The following ASIC2 variants were observed in gnomAD, a reference collection of about 807,000 sequenced individuals.
ASIC2 encodes acid-sensing ion channel 2.
Under a neutral mutation model 57.3 loss-of-function variants are expected in ASIC2, and 25 were observed. That is an observed-to-expected ratio of 0.44 (90% CI 0.32 to 0.61). The LOEUF is 0.61. ASIC2 is among the 20% of genes least tolerant of loss of function. The pLI is 0.06. For synonymous variants in ASIC2, 319 were observed against 307.5 expected (o/e 1.04, Z -0.39); for missense variants, 641 against 738.1 (o/e 0.87, Z 1.52).
intron 1 of ASIC2, among the ~76,000 whole-genome samples, chr17:33,232,476 T>A (rs1182569036): frequency 6.7e-6 from 1 of 149,986 alleles, no homozygotes; most frequent in Non-Finnish European, 1.5e-5. Flanking sequence ...TATGGTATGG[T>A]ATGGTATGGT....
chr17:33,579,257 G>C (rs975043335), intron 1 of ASIC2, among the ~76,000 whole-genome samples: 4 of 144,926 alleles, frequency 2.8e-5, no homozygotes, highest in South Asian at 2.2e-4. Context: ...TTGCACTCCA[G>C]CCTGGGTAGC....
intron 3 of ASIC2, among the ~76,000 whole-genome samples, chr17:33,031,249 G>A (rs2091882057): frequency 6.6e-6 from 1 of 152,022 alleles, no homozygotes; most frequent in African/African-American, 2.4e-5. Context: ...GGTAAGTTGT[G>A]TTTTTTCCCC....
At chr17:33,259,387 C>T (rs1909200820) in intron 1 of ASIC2, among the ~76,000 whole-genome samples, 1 of 152,142 alleles carries the variant, frequency 6.6e-6, no homozygotes, top group South Asian at 2.1e-4. Flanking sequence ...TCTTGTAAAC[C>T]TATGTATTAT....
chr17:33,428,780 T>C (rs1001971412), intron 1 of ASIC2, among the ~76,000 whole-genome samples: 17 of 152,178 alleles, frequency 1.1e-4, no homozygotes, highest in Admixed American at 3.3e-4. Context: ...CCACCCACCA[T>C]TGTTTTCTGT....
intron 1 of ASIC2, among the ~76,000 whole-genome samples, chr17:33,807,515 G>A (rs1912301509): frequency 2.0e-5 from 3 of 152,130 alleles, no homozygotes; most frequent in Admixed American, 1.3e-4. Context: ...AGAAAGTGCA[G>A]GCCTACCAGA....
chr17:34,023,214 A>C (rs1161653849), intron 1 of ASIC2, among the ~76,000 whole-genome samples: 3 of 152,004 alleles, frequency 2.0e-5, no homozygotes, highest in African/African-American at 7.2e-5. Context: ...CTCATCCCAA[A>C]GTTTATCTCC....
chr17:33,375,620 C>T (rs1909248634), intron 1 of ASIC2, among the ~76,000 whole-genome samples: 1 of 152,040 alleles, frequency 6.6e-6, no homozygotes, highest in Non-Finnish European at 1.5e-5. Context: ...ACCGGGACTG[C>T]AAGGGAAGAA....
At chr17:33,303,510 A>G (rs769283534) in intron 1 of ASIC2, among the ~76,000 whole-genome samples, 2 of 152,210 alleles carry the variant, frequency 1.3e-5, no homozygotes, top group African/African-American at 4.8e-5. Context: ...TCGAAGTGAC[A>G]TTACACACCG....
chr17:33,374,783 C>A (rs1909217578), intron 1 of ASIC2, among the ~76,000 whole-genome samples: 1 of 152,148 alleles, frequency 6.6e-6, no homozygotes, highest in African/African-American at 2.4e-5. Context: ...CCACAGGACC[C>A]TGAGCCTATT....
chr17:33,968,740 T>C (rs1905142809), intron 1 of ASIC2, among the ~76,000 whole-genome samples: 1 of 152,140 alleles, frequency 6.6e-6, no homozygotes, highest in Non-Finnish European at 1.5e-5. Flanking sequence ...GGACTCACCA[T>C]ATGGCAGGAC....
At chr17:33,183,773 A>G (rs1906080323) in intron 1 of ASIC2, among the ~76,000 whole-genome samples, 1 of 152,198 alleles carries the variant, frequency 6.6e-6, no homozygotes, top group South Asian at 2.1e-4. Flanking sequence ...TGTGGTTTAT[A>G]TGAGATTTCA....
At chr17:33,864,433 C>T (rs1269098530) in intron 1 of ASIC2, among the ~76,000 whole-genome samples, 2 of 152,180 alleles carry the variant, frequency 1.3e-5, no homozygotes, top group Non-Finnish European at 2.9e-5. Context: ...GCAGGTGAAA[C>T]AGGGGCCCCG....
intron 1 of ASIC2, among the ~76,000 whole-genome samples, chr17:33,970,731 C>T (rs920574316): frequency 2.0e-5 from 3 of 152,184 alleles, no homozygotes; most frequent in African/African-American, 7.2e-5. Context: ...CTAAGAAATG[C>T]GGTGAGCACA....
intron 1 of ASIC2, among the ~76,000 whole-genome samples, chr17:33,270,710 A>C (rs947973551): frequency 2.6e-5 from 4 of 152,166 alleles, no homozygotes; most frequent in Non-Finnish European, 4.4e-5. Flanking sequence ...CTTCATTTCT[A>C]ACCCTGACAA....
At chr17:33,831,473 T>G (rs755376878) in intron 1 of ASIC2, among the ~76,000 whole-genome samples, 4 of 152,124 alleles carry the variant, frequency 2.6e-5, no homozygotes, top group Non-Finnish European at 5.9e-5. Flanking sequence ...AAGACCACAC[T>G]GTCTTCCCTT....
intron 1 of ASIC2, among the ~76,000 whole-genome samples, chr17:33,367,031 A>G (rs1908836513): frequency 6.6e-6 from 1 of 152,266 alleles, no homozygotes; most frequent in Admixed American, 6.5e-5. Flanking sequence ...TAGGTGCTAG[A>G]ATTCAGCCAG....
At chr17:33,088,001 C>T (rs1180641420) in intron 3 of ASIC2, among the ~76,000 whole-genome samples, 1 of 152,134 alleles carries the variant, frequency 6.6e-6, no homozygotes, top group Non-Finnish European at 1.5e-5. Context: ...TTCCTTGCTC[C>T]TCCGTCATGG....
rs145796596 is a variant in ASIC2 at position 33,524,865 on chromosome 17, G to A, written c.556-412798C>T. ...AGAGACTACAGGTGCACATTACAGCGCTGGGCTTCCTCCCAGATGTATTTA... is the reference window on the plus strand; with the variant it reads ...AGAGACTACAGGTGCACATTACAGCACTGGGCTTCCTCCCAGATGTATTTA... On this transcript the variant is annotated intron_variant, in intron 1 of 9. Transcript: ENST00000359872. Among the ~76,000 whole-genome samples the A allele has an allele frequency of 6.1e-3, 925 of 152,192 alleles. 7 individuals carry two copies. The highest frequency in any genetic ancestry group is 0.01 in the Non-Finnish European group (700 of 68,016).
intron 1 of ASIC2, among the ~76,000 whole-genome samples, chr17:33,552,690 A>C (rs762999555): frequency 2.6e-5 from 4 of 152,228 alleles, no homozygotes; most frequent in Non-Finnish European, 4.4e-5. Context: ...GATACTTTGA[A>C]TATTTCTCAG....
Sources: gnomAD v4.1 joint callset for allele counts (sites outside exome capture counted in the v4.1 genomes callset) on GRCh38, gnomAD v4.1.1 for gene constraint, MANE v1.5 for transcripts, NCBI Gene and HGNC (gene_info 2026-07-23, HGNC 2026-07-21) for gene names.